Variants in SRP72 observed in about 807,000 individuals in gnomAD.
SRP72 encodes the protein signal recognition particle 72.
SRP72 carries 49 observed loss-of-function variants against 96.3 expected under a neutral mutation model. The observed-to-expected ratio is 0.51, with a 90% confidence interval of 0.40 to 0.65. The LOEUF is 0.65. Ranked by LOEUF, SRP72 falls within the 30% of genes least tolerant of loss-of-function variation. The pLI is 0.00. For synonymous variants in SRP72, 267 were observed against 275.2 expected (o/e 0.97, Z 0.30); for missense variants, 736 against 793.3 (o/e 0.93, Z 0.87).
chr4:56,500,367 A>G, intron 17 of SRP72, 169 bp from the exon 18 acceptor site: 1 of 691,620 alleles, frequency 1.4e-6, no homozygotes, highest in Non-Finnish European at 2.3e-6. Flanking sequence ...AAGTATAATA[A>G]TTTAAAAAAA....
rs778326669 is a variant in SRP72, at chr4:56,491,413, ACTC to A, written c.1503-15_1503-13del. On this transcript the variant is annotated splice_polypyrimidine_tract_variant and intron_variant, in intron 15 of 18. Transcript: ENST00000642900. Reference sequence around the variant, plus strand: ...GTGTTTGTGTATATTATGTTCCTGAACTCCTGTTCTATCACAGTCTTAGTAAAC... The same window carrying A: ...GTGTTTGTGTATATTATGTTCCTGAACTGTTCTATCACAGTCTTAGTAAAC... The A allele has an allele frequency of 6.2e-7, 1 of 1,610,236 alleles. No individual in the cohort carries two copies. Among genetic ancestry groups the A allele is most frequent in the Non-Finnish European group, 8.5e-7 (1 of 1,178,216 alleles).
At position 56,476,371 on chromosome 4, in the gene SRP72, A is replaced by G. The variant is rs538780622; in HGVS notation, c.611-300A>G. 3.2e-5 allele frequency: 12 copies of G among 379,902 alleles called. No homozygotes were observed. In the Admixed American group the frequency reaches 3.3e-4, roughly 11 times the overall value. The allele number at this position is 379,902 out of a possible 1,614,324, so 23.5% of individuals were successfully genotyped here. A position where few individuals can be genotyped will look rare whatever the true frequency, so the allele number is the denominator to read the frequency against. On this transcript the variant is annotated intron_variant, in intron 5 of 18. Coordinates refer to ENST00000642900, the MANE Select transcript of SRP72 (RefSeq NM_006947.4). The stretch of plus-strand genomic sequence containing the variant: ...GGGTGGTAGGATTGTTTATTTTTAT[A>G]CTTTTCTATAATTGATTTTTCGCAA...
chr4:56,486,549 C>T lies in SRP72; in HGVS notation c.1159+152C>T, dbSNP rs143652884. 1,797 of 580,480 alleles carry T rather than the reference C, an allele frequency of 3.1e-3. 5 individuals carry two copies. Among genetic ancestry groups the T allele is most frequent in the Non-Finnish European group, 4.1e-3 (1,427 of 349,268 alleles). 36.0% of individuals were successfully genotyped at this position (580,480 alleles called of 1,614,324 possible). Reference sequence around the variant, plus strand: ...ACATGCAGCTAGATTGTATGATCTCCAACAGATTTAGTAGTGAGGTAGTTG... The same window carrying T: ...ACATGCAGCTAGATTGTATGATCTCTAACAGATTTAGTAGTGAGGTAGTTG... On this transcript the variant is annotated intron_variant, in intron 11 of 18. Coordinates refer to ENST00000642900, the MANE Select transcript of SRP72 (RefSeq NM_006947.4).
rs761389556 is a variant in SRP72, at chr4:56,500,620, G to C, written c.1763G>C (p.Gly588Ala). The change falls in exon 18 of 19, where the codon GGA (glycine) becomes GCA (alanine). Residue 588 changes from glycine (G) to alanine (A), a missense_variant. Coordinates refer to ENST00000642900, the MANE Select transcript of SRP72 (RefSeq NM_006947.4). ...ATGCGAGAACGTTCTTACTACCGGG[G>C]AAGAAAGAAGGGTAAAAAGAAGGAT... ...LPMRERSYYRGRKKGKKKDQI... is the reference protein window; with the variant it reads ...LPMRERSYYRARKKGKKKDQI... The C allele has an allele frequency of 3.1e-6, 5 of 1,614,022 alleles. No individual in the cohort carries two copies. The highest frequency in any genetic ancestry group is 4.2e-6 in the Non-Finnish European group (5 of 1,179,968).
chr4:56,495,750 AC>A (rs1247531682), intron 17 of SRP72, among the ~76,000 whole-genome samples: 1 of 152,234 alleles, frequency 6.6e-6, no homozygotes, highest in Admixed American at 6.5e-5. Context: ...AAGCACTTAC[AC>A]ATTTTGATGT....
At chr4:56,469,839 A>G in intron 2 of SRP72, 66 bp downstream of exon 2, 2 of 1,385,464 alleles carry the variant, frequency 1.4e-6, no homozygotes, top group Non-Finnish European at 1.9e-6. Flanking sequence ...AATCTCTTCC[A>G]TGTTTTTTCC....
intron 1 of SRP72, 73 bp downstream of exon 1, chr4:56,467,817 C>T (rs1319377327): frequency 2.3e-6 from 3 of 1,317,998 alleles, no homozygotes; most frequent in Admixed American, 3.9e-5. Flanking sequence ...GCGCGCGAGA[C>T]CACCTCGCGC....
At chr4:56,495,522 A>G (rs1181168935) in intron 17 of SRP72, 128 bp downstream of exon 17, 1 of 502,698 alleles carries the variant, frequency 2.0e-6, no homozygotes, top group Non-Finnish European at 3.5e-6. Context: ...TATCTTGACT[A>G]TAGCTAACAT....
intron 3 of SRP72, among the ~76,000 whole-genome samples, chr4:56,473,706 A>G (rs569439530): frequency 6.6e-6 from 1 of 152,164 alleles, no homozygotes; most frequent in African/African-American, 2.4e-5. Flanking sequence ...TGGAGGTTGC[A>G]GTGAGCCAAG....
intron 8 of SRP72, among the ~76,000 whole-genome samples, chr4:56,480,257 G>A (rs1318828076): frequency 6.6e-6 from 1 of 152,094 alleles, no homozygotes; most frequent in East Asian, 1.9e-4. Flanking sequence ...TGAAATGCTT[G>A]TCAGGACAAA....
At chr4:56,489,191 C>A in intron 12 of SRP72, 197 bp from the exon 13 acceptor site, 1 of 414,748 alleles carries the variant, frequency 2.4e-6, no homozygotes, top group Non-Finnish European at 4.3e-6. Flanking sequence ...TATCTACCTT[C>A]ATATTTGGAA....
Position 56,471,710 on chromosome 4 carries a change from CCTT to C in SRP72, c.231-5_231-3del, listed in dbSNP as rs1719984202. 1.9e-6 allele frequency: 3 copies of C among 1,583,196 alleles called. No individual in the cohort carries two copies. The highest frequency in any genetic ancestry group is 1.4e-5 in the African/African-American group (1 of 72,174). On this transcript the variant is annotated splice_polypyrimidine_tract_variant and splice_region_variant and intron_variant, in intron 2 of 18. Coordinates refer to ENST00000642900, the MANE Select transcript of SRP72 (RefSeq NM_006947.4). Reference sequence around the variant, plus strand: ...TAATAATCAGATACTGTTTTTTTTTCCTTCTTCAGTAACTCTCTCTCCTTTGAA... The same window carrying C: ...TAATAATCAGATACTGTTTTTTTTTCCTTCAGTAACTCTCTCTCCTTTGAA...
intron 17 of SRP72, among the ~76,000 whole-genome samples, chr4:56,499,121 C>A (rs56040009): frequency 0.2 from 30,065 of 152,130 alleles, 3,343 homozygotes; most frequent in Admixed American, 0.35. Context: ...CACACATCTA[C>A]AACCATCTGA....
chr4:56,491,432 CT>C lies in SRP72; in HGVS notation c.1506del (p.Ser503ValfsTer12). The C allele has an allele frequency of 3.7e-6, 6 of 1,613,422 alleles. No homozygotes were observed. Among genetic ancestry groups the C allele is most frequent in the Non-Finnish European group, 5.1e-6 (6 of 1,179,756 alleles). On this transcript the variant is annotated frameshift_variant and splice_region_variant, in exon 16 of 19. Coordinates refer to ENST00000642900, the MANE Select transcript of SRP72 (RefSeq NM_006947.4). LOFTEE classifies it high-confidence loss of function. The part of the protein sequence containing the change: ...SLVDPEKAKA[L>X]SKHLPSSDSM... ...TCCTGAACTCCTGTTCTATCACAGT[CT>C]TAGTAAACACTTGCCATCGTCAGAT...
chr4:56,488,823 T>G (rs1720808887), intron 12 of SRP72, among the ~76,000 whole-genome samples: 1 of 152,224 alleles, frequency 6.6e-6, no homozygotes. Context: ...CTGATTAGCC[T>G]GTCCAGAGGT....
chr4:56,496,769 T>C (rs1000530225), intron 17 of SRP72, among the ~76,000 whole-genome samples: 15 of 152,038 alleles, frequency 9.9e-5, no homozygotes, highest in Admixed American at 8.5e-4. Flanking sequence ...GGGTGGATCA[T>C]TTGAGGTCAG....
At chr4:56,487,140 A>AG (rs1720739426) in intron 11 of SRP72, among the ~76,000 whole-genome samples, 1 of 152,200 alleles carries the variant, frequency 6.6e-6, no homozygotes, top group Non-Finnish European at 1.5e-5. Flanking sequence ...GCTCTGGTAT[A>AG]GAATGTGGAT....
chr4:56,472,778 G>C (rs1720030407), intron 3 of SRP72, among the ~76,000 whole-genome samples: 1 of 151,966 alleles, frequency 6.6e-6, no homozygotes, highest in South Asian at 2.1e-4. Context: ...ATGGATTGTA[G>C]GTCTATAAAA....
chr4:56,490,932 T>G (rs1720885437), intron 15 of SRP72, among the ~76,000 whole-genome samples: 1 of 152,160 alleles, frequency 6.6e-6, no homozygotes, highest in Non-Finnish European at 1.5e-5. Context: ...AAAAGCATAT[T>G]TTATGTGGGT....
Sources: gnomAD v4.1 joint callset for allele counts (sites outside exome capture counted in the v4.1 genomes callset) on GRCh38, gnomAD v4.1.1 for gene constraint, MANE v1.5 for transcripts, NCBI Gene and HGNC (gene_info 2026-07-23, HGNC 2026-07-21) for gene names.